Variants in NLGN4X observed in about 807,000 individuals in gnomAD.
NLGN4X encodes neuroligin 4 X-linked, also known as neuroligin-4, X-linked.
NLGN4X carries 3 observed loss-of-function variants against 40.3 expected under a neutral mutation model. That is an observed-to-expected ratio of 0.07 (90% CI 0.03 to 0.19). The LOEUF is 0.19. NLGN4X is among the 10% of genes least tolerant of loss of function. NLGN4X has a pLI of 1.00. For synonymous variants in NLGN4X, 270 were observed against 306.8 expected (o/e 0.88, Z 1.25); for missense variants, 382 against 708.3 (o/e 0.54, Z 5.23).
chrX:5,975,920 CT>C (rs1301339970), intron 3 of NLGN4X, among the ~76,000 whole-genome samples: 1 of 111,254 alleles, frequency 9.0e-6, no homozygotes, highest in Admixed American at 9.6e-5. Flanking sequence ...AAGTAGTCTC[CT>C]ACCTGAAGGC....
At chrX:6,117,459 G>A (rs147985085) in intron 2 of NLGN4X, among the ~76,000 whole-genome samples, 4 of 110,623 alleles carry the variant, frequency 3.6e-5, no homozygotes, top group African/African-American at 6.7e-5. Context: ...TTTCTCCTCC[G>A]TCTCCAGCTC....
chrX:5,968,457 C>G (rs867141078), intron 3 of NLGN4X, among the ~76,000 whole-genome samples: 114 of 46,993 alleles, frequency 2.4e-3, no homozygotes, highest in African/African-American at 0.012. Context: ...CTCTCTCTCT[C>G]TGTGTGTGTG....
chrX:6,067,457 C>G (rs1036177858), intron 2 of NLGN4X, among the ~76,000 whole-genome samples: 5 of 111,574 alleles, frequency 4.5e-5, no homozygotes, highest in African/African-American at 1.3e-4. Context: ...CACACACACA[C>G]AGACTTATAA....
At chrX:6,000,523 T>C (rs1219688625) in intron 3 of NLGN4X, among the ~76,000 whole-genome samples, 1 of 111,124 alleles carries the variant, frequency 9.0e-6, no homozygotes, top group Non-Finnish European at 1.9e-5. Context: ...TGGGAGTTGG[T>C]CTGTGCCTTG....
intron 3 of NLGN4X, among the ~76,000 whole-genome samples, chrX:6,015,737 G>T (rs1470261117): frequency 2.7e-5 from 3 of 111,423 alleles, no homozygotes; most frequent in Non-Finnish European, 5.7e-5. Flanking sequence ...TATCTGTCCC[G>T]GCATCCTTAT....
At chrX:6,176,794 G>T (rs183172275) in intron 1 of NLGN4X, among the ~76,000 whole-genome samples, 98 of 111,693 alleles carry the variant, frequency 8.8e-4, no homozygotes, top group African/African-American at 3.0e-3. Flanking sequence ...GCCTCCTAAG[G>T]CTCATTTTGG....
intron 3 of NLGN4X, among the ~76,000 whole-genome samples, chrX:5,968,857 G>A (rs1170248066): frequency 9.2e-6 from 1 of 109,010 alleles, no homozygotes; most frequent in African/African-American, 3.4e-5. Context: ...TAATTAGCTT[G>A]GTCCTTGTGG....
At chrX:6,022,564 C>A (rs1454152156) in intron 3 of NLGN4X, among the ~76,000 whole-genome samples, 2 of 111,903 alleles carry the variant, frequency 1.8e-5, no homozygotes, top group Admixed American at 9.5e-5. Context: ...ATTATAGTGA[C>A]CCATTGAACT....
chrX:6,016,303 T>C (rs2036394152), intron 3 of NLGN4X, among the ~76,000 whole-genome samples: 1 of 112,131 alleles, frequency 8.9e-6, no homozygotes, highest in African/African-American at 3.2e-5. Flanking sequence ...TTTAAGCTGG[T>C]ATCATTTCTT....
At chrX:6,032,405 C>CA (rs34229775) in intron 2 of NLGN4X, among the ~76,000 whole-genome samples, 23,106 of 65,405 alleles carry the variant, frequency 0.35, 2,850 homozygotes, top group Admixed American at 0.4. Context: ...GCGACCAAGC[C>CA]AAAAAAAAAA....
chrX:6,021,002 TTCTCTCTCTC>T (rs869309615), intron 3 of NLGN4X, among the ~76,000 whole-genome samples: 606 of 23,671 alleles, frequency 0.026, 5 homozygotes, highest in East Asian at 0.037. Context: ...CTTCCTTCTT[TTCTCTCTCTC>T]TCTCTCTCTC....
At chrX:5,923,542 A>G (rs2033155698) in intron 3 of NLGN4X, among the ~76,000 whole-genome samples, 1 of 112,339 alleles carries the variant, frequency 8.9e-6, no homozygotes, top group Non-Finnish European at 1.9e-5. Context: ...AGGCCTCACA[A>G]TCATGGTGGA....
chrX:6,140,710 T>C (rs1179743101), intron 2 of NLGN4X, among the ~76,000 whole-genome samples: 4 of 107,159 alleles, frequency 3.7e-5, no homozygotes, highest in Non-Finnish European at 7.7e-5. Context: ...CTCAAGTAGC[T>C]GGGACTACAG....
intron 1 of NLGN4X, among the ~76,000 whole-genome samples, chrX:6,199,946 T>A (rs1923445946): frequency 9.0e-6 from 1 of 111,613 alleles, no homozygotes; most frequent in African/African-American, 3.3e-5. Context: ...TCCCCTACAG[T>A]GCGTTGATTT....
At chrX:5,900,806 G>C in intron 5 of NLGN4X, among the ~76,000 whole-genome samples, 1 of 109,386 alleles carries the variant, frequency 9.1e-6, no homozygotes, top group African/African-American at 3.3e-5. Context: ...TAAACTCTTG[G>C]CCTCCTCAGG....
intron 2 of NLGN4X, among the ~76,000 whole-genome samples, chrX:6,119,506 T>C (rs894593624): frequency 3.6e-5 from 4 of 111,171 alleles, no homozygotes; most frequent in African/African-American, 1.3e-4. Flanking sequence ...GTAACAATGA[T>C]CATAAGGTTG....
intron 2 of NLGN4X, among the ~76,000 whole-genome samples, chrX:6,124,998 A>T (rs1386710641): frequency 8.9e-6 from 1 of 112,154 alleles, no homozygotes; most frequent in African/African-American, 3.2e-5. Flanking sequence ...ATAGAACACT[A>T]AACATATACA....
chrX:6,188,150 T>C (rs761961849), intron 1 of NLGN4X, among the ~76,000 whole-genome samples: 2 of 112,086 alleles, frequency 1.8e-5, no homozygotes, highest in East Asian at 5.6e-4. Context: ...TCCACCATAG[T>C]TTACATAAAA....
intron 3 of NLGN4X, among the ~76,000 whole-genome samples, chrX:6,017,164 G>T (rs1018506525): frequency 1.8e-5 from 2 of 111,613 alleles, no homozygotes; most frequent in African/African-American, 6.5e-5. Context: ...AAGCTCAACG[G>T]GTCACTTACA....
Sources: gnomAD v4.1 joint callset for allele counts (sites outside exome capture counted in the v4.1 genomes callset) on GRCh38, gnomAD v4.1.1 for gene constraint, MANE v1.5 for transcripts, NCBI Gene and HGNC (gene_info 2026-07-23, HGNC 2026-07-21) for gene names.